PSD3: variants seen among roughly 807,000 people sequenced by gnomAD.
The protein encoded by PSD3 is PH and SEC7 domain-containing protein 3.
In PSD3, 49 loss-of-function variants were observed where a neutral mutation model predicts 105.5. That is an observed-to-expected ratio of 0.46 (90% confidence interval 0.37 to 0.59). The LOEUF (loss-of-function observed/expected upper bound fraction) is 0.59. Among genes scored for constraint, PSD3 ranks in the 20% least tolerant of loss-of-function variants. PSD3 has a pLI of 0.00. For synonymous variants in PSD3, 557 were observed against 457.8 expected (o/e 1.22, Z -2.77); for missense variants, 1,561 against 1,263.8 (o/e 1.24, Z -3.57).
At chr8:18,747,912 G>A (rs979391861) in intron 9 of PSD3, among the ~76,000 whole-genome samples, 1 of 152,108 alleles carries the variant, frequency 6.6e-6, no homozygotes, top group Admixed American at 6.6e-5. Flanking sequence ...TGGAAGGTGG[G>A]AAGAGAAGGA....
At chr8:18,661,529 C>T (rs933162714) in intron 9 of PSD3, among the ~76,000 whole-genome samples, 2 of 152,162 alleles carry the variant, frequency 1.3e-5, no homozygotes, top group Admixed American at 6.5e-5. Flanking sequence ...CTTCTACTAT[C>T]GTCTCTATGC....
chr8:18,954,590 T>C (rs987152019), intron 1 of PSD3, among the ~76,000 whole-genome samples: 1 of 152,134 alleles, frequency 6.6e-6, no homozygotes, highest in Non-Finnish European at 1.5e-5. Context: ...CGGAGAAGAA[T>C]ACCAAGGGAC....
At chr8:19,020,287 A>G (rs1232919261) in intron 1 of PSD3, among the ~76,000 whole-genome samples, 1 of 152,184 alleles carries the variant, frequency 6.6e-6, no homozygotes, top group African/African-American at 2.4e-5. Context: ...TAAGCAGTAC[A>G]GCGTCAGGAG....
chr8:18,909,281 A>C (rs566725630), intron 2 of PSD3, among the ~76,000 whole-genome samples: 1 of 152,218 alleles, frequency 6.6e-6, no homozygotes, highest in African/African-American at 2.4e-5. Flanking sequence ...CTCTCCCTTA[A>C]GGTTTGACCG....
intron 8 of PSD3, among the ~76,000 whole-genome samples, chr8:18,781,579 G>T (rs760850792): frequency 1.3e-5 from 2 of 152,186 alleles, no homozygotes; most frequent in Non-Finnish European, 2.9e-5. Flanking sequence ...TTTGCTATTA[G>T]TGTGATAGGG....
At chr8:18,898,457 T>C (rs1035346163) in intron 2 of PSD3, among the ~76,000 whole-genome samples, 5 of 152,142 alleles carry the variant, frequency 3.3e-5, no homozygotes, top group Non-Finnish European at 4.4e-5. Flanking sequence ...ATGGAATGTC[T>C]TTTTCCATAC....
chr8:18,732,239 G>A (rs142888072), intron 9 of PSD3, among the ~76,000 whole-genome samples: 4 of 152,030 alleles, frequency 2.6e-5, no homozygotes, highest in South Asian at 2.1e-4. Context: ...TAACGAACTC[G>A]TACTAAAACA....
intron 12 of PSD3, among the ~76,000 whole-genome samples, chr8:18,583,773 A>T (rs1221957816): frequency 6.6e-6 from 1 of 152,176 alleles, no homozygotes; most frequent in African/African-American, 2.4e-5. Context: ...AGCATTTCTC[A>T]AATTGCACTG....
At chr8:18,710,588 G>C (rs576229025) in intron 9 of PSD3, among the ~76,000 whole-genome samples, 1 of 152,180 alleles carries the variant, frequency 6.6e-6, no homozygotes, top group African/African-American at 2.4e-5. Flanking sequence ...GGGAGCCAGG[G>C]AAAAAGGCCA....
At chr8:18,734,093 T>C (rs1803973934) in intron 9 of PSD3, 1 of 152,202 alleles carries the variant, frequency 6.6e-6, no homozygotes, top group African/African-American at 2.4e-5. Context: ...TTGTTACTTA[T>C]GGGTCTAGAT....
intron 9 of PSD3, among the ~76,000 whole-genome samples, chr8:18,680,030 G>A (rs759457516): frequency 3.3e-5 from 5 of 152,160 alleles, no homozygotes; most frequent in Admixed American, 6.5e-5. Context: ...TTGAGATTCC[G>A]CCTCATTTAA....
intron 9 of PSD3, among the ~76,000 whole-genome samples, chr8:18,705,563 G>A (rs1013211895): frequency 6.4e-5 from 9 of 140,570 alleles, no homozygotes; most frequent in Non-Finnish European, 9.2e-5. Context: ...AAAAAAATTC[G>A]TTAAATAACA....
intron 1 of PSD3, among the ~76,000 whole-genome samples, chr8:18,994,528 C>G (rs531598052): frequency 6.6e-6 from 1 of 152,142 alleles, no homozygotes; most frequent in East Asian, 1.9e-4. Context: ...ATACGACAGT[C>G]ACATGGGGCC....
chr8:18,935,019 GT>G (rs996146548), intron 2 of PSD3, among the ~76,000 whole-genome samples: 4 of 152,188 alleles, frequency 2.6e-5, no homozygotes, highest in Non-Finnish European at 5.9e-5. Context: ...GCTCTGCTGT[GT>G]GAGTGATTGT....
intron 14 of PSD3, among the ~76,000 whole-genome samples, chr8:18,565,682 A>G (rs947978063): frequency 6.6e-6 from 1 of 152,152 alleles, no homozygotes; most frequent in Non-Finnish European, 1.5e-5. Flanking sequence ...GTAAAGTAAA[A>G]TTATCCAAAA....
chr8:18,897,980 G>C (rs558494533), intron 2 of PSD3, among the ~76,000 whole-genome samples: 1 of 152,242 alleles, frequency 6.6e-6, no homozygotes, highest in East Asian at 1.9e-4. Context: ...AAAAAATGGA[G>C]AAAGTGGTCA....
intron 9 of PSD3, among the ~76,000 whole-genome samples, chr8:18,671,572 G>A (rs1355238987): frequency 1.3e-5 from 2 of 151,874 alleles, no homozygotes; most frequent in South Asian, 2.1e-4. Flanking sequence ...ATTCTTCTTT[G>A]GAAGCACCAT....
chr8:18,989,448 T>A (rs889999324), intron 1 of PSD3: 1 of 152,170 alleles, frequency 6.6e-6, no homozygotes, highest in Non-Finnish European at 1.5e-5. Flanking sequence ...ATTTTTAACA[T>A]GTAGAAGAGC....
At chr8:18,902,271 A>G (rs1819552755) in intron 2 of PSD3, among the ~76,000 whole-genome samples, 1 of 152,160 alleles carries the variant, frequency 6.6e-6, no homozygotes, top group African/African-American at 2.4e-5. Flanking sequence ...CAAGTCTTCT[A>G]TTGAAGGTCT....
Sources: allele counts gnomAD v4.1 joint callset (sites outside exome capture counted in the v4.1 genomes callset), GRCh38; gene constraint gnomAD v4.1.1; transcripts MANE v1.5; gene names NCBI Gene and HGNC (gene_info 2026-07-23, HGNC 2026-07-21).